Variants in NEDD4 observed in about 807,000 individuals in gnomAD.
NEDD4 encodes NEDD4 E3 ubiquitin protein ligase, also known as E3 ubiquitin-protein ligase NEDD4.
A neutral mutation model predicts 144.9 loss-of-function variants in NEDD4; 99 were observed. The ratio of observed to expected loss-of-function variants is 0.68; its 90% CI spans 0.58 to 0.81. NEDD4 has a LOEUF of 0.81. Among genes scored for constraint, NEDD4 ranks in the 30% least tolerant of loss-of-function variants. NEDD4 has a pLI of 0.00. For missense variants in NEDD4, 985 were observed against 1,065.9 expected, an observed-to-expected ratio of 0.92 and a Z score of 1.06; for synonymous variants, 318 against 350.6, an observed-to-expected ratio of 0.91 and a Z score of 1.04.
At chr15:55,943,157 G>T (rs2037039286) in intron 4 of NEDD4, among the ~76,000 whole-genome samples, 1 of 152,220 alleles carries the variant, frequency 6.6e-6, no homozygotes, top group Non-Finnish European at 1.5e-5. Context: ...TCACAGAAAT[G>T]ATCTGAAACT....
chr15:55,908,334 C>T (rs2036165659), intron 5 of NEDD4, among the ~76,000 whole-genome samples: 1 of 152,220 alleles, frequency 6.6e-6, no homozygotes, highest in South Asian at 2.1e-4. Context: ...AGTGAATTTA[C>T]ATTTGCCTAC....
chr15:55,906,359 A>G (rs1269438660), intron 5 of NEDD4, among the ~76,000 whole-genome samples: 1 of 152,194 alleles, frequency 6.6e-6, no homozygotes, highest in Non-Finnish European at 1.5e-5. Context: ...ACTATTCACA[A>G]TAGCAAAGAC....
chr15:55,927,594 TG>T (rs2036699518), intron 4 of NEDD4, among the ~76,000 whole-genome samples: 3 of 152,168 alleles, frequency 2.0e-5, no homozygotes. Flanking sequence ...AAGAAAAGTT[TG>T]GTTAGTTAGG....
At chr15:55,975,628 C>CA (rs1566975250) in intron 1 of NEDD4, among the ~76,000 whole-genome samples, 3 of 117,724 alleles carry the variant, frequency 2.5e-5, no homozygotes, top group African/African-American at 9.6e-5. Context: ...GAAGACGACA[C>CA]CAAAAAAAAA....
chr15:55,951,244 C>A, intron 4 of NEDD4, 132 bp downstream of exon 4: 1 of 474,608 alleles, frequency 2.1e-6, no homozygotes. Context: ...ATTTCAATTC[C>A]TTTTGTATTT....
chr15:55,880,999 G>C (rs1241542557), intron 5 of NEDD4, among the ~76,000 whole-genome samples: 1 of 152,158 alleles, frequency 6.6e-6, no homozygotes, highest in Non-Finnish European at 1.5e-5. Flanking sequence ...AAGGAGTACG[G>C]TTGGAGTCTA....
chr15:55,985,707 T>G (rs1383912951), intron 1 of NEDD4, among the ~76,000 whole-genome samples: 1 of 152,110 alleles, frequency 6.6e-6, no homozygotes, highest in African/African-American at 2.4e-5. Context: ...CAGATTGATA[T>G]AGAAATAGCT....
Position 55,866,886 on chromosome 15 carries a change from A to G in NEDD4, c.507+2693T>C, listed in dbSNP as rs534591927. ...TCCTATTAAATATGTATCAGCTGCTATTCTTTATAAAATAACTTTCTAAGT... is the reference window on the plus strand; with the variant it reads ...TCCTATTAAATATGTATCAGCTGCTGTTCTTTATAAAATAACTTTCTAAGT... On this transcript the variant is annotated intron_variant, in intron 8 of 28. Coordinates refer to ENST00000435532, the MANE Select transcript of NEDD4 (RefSeq NM_006154.4). Among the ~76,000 whole-genome samples, 3 of 152,338 alleles carry G rather than the reference A, an allele frequency of 2.0e-5. No individual in the cohort carries two copies. In the East Asian group the frequency reaches 5.8e-4, roughly 29 times the overall value.
At chr15:55,898,935 C>G (rs1236900472) in intron 5 of NEDD4, among the ~76,000 whole-genome samples, 5 of 152,172 alleles carry the variant, frequency 3.3e-5, no homozygotes, top group Non-Finnish European at 7.3e-5. Context: ...GCCACTGTAC[C>G]TGGCCAAGAA....
intron 21 of NEDD4, among the ~76,000 whole-genome samples, chr15:55,838,990 A>C (rs1356725944): frequency 1.3e-5 from 2 of 151,992 alleles, no homozygotes; most frequent in African/African-American, 4.8e-5. Context: ...TCATATGCCT[A>C]TGTGACTTCG....
intron 2 of NEDD4, among the ~76,000 whole-genome samples, chr15:55,960,366 T>C (rs1251714319): frequency 6.6e-6 from 1 of 152,220 alleles, no homozygotes; most frequent in Non-Finnish European, 1.5e-5. Flanking sequence ...AGGCAGAACG[T>C]GGAAGGACTT....
Position 55,932,400 on chromosome 15 carries a change from C to A in NEDD4, c.238-7701G>T, listed in dbSNP as rs895291328. Among the ~76,000 whole-genome samples, 5 of 152,190 alleles carry A rather than the reference C, an allele frequency of 3.3e-5. No homozygotes were observed. The South Asian group carries it at 1.0e-3, about 32-fold the overall frequency. Reference sequence around the variant, plus strand: ...ACCATGTGATCTTTGACAAACCTGACAAAAACAAGAAACGGGGAAAGGATT... The same window carrying A: ...ACCATGTGATCTTTGACAAACCTGAAAAAAACAAGAAACGGGGAAAGGATT... On this transcript the variant is annotated intron_variant, in intron 4 of 28. Transcript: ENST00000435532.
In NEDD4 at chr15:55,848,591, T is replaced by C. The variant is rs1331314041; in HGVS notation, c.1429-16A>G. On this transcript the variant is annotated splice_polypyrimidine_tract_variant and intron_variant, in intron 15 of 28. Coordinates refer to ENST00000435532, the MANE Select transcript of NEDD4 (RefSeq NM_006154.4). Reference sequence around the variant, plus strand: ...CCCATCCTGGCTATAATTAAAAATGTATTTCAATTATTTTAGGAGAGGGGC... The same window carrying C: ...CCCATCCTGGCTATAATTAAAAATGCATTTCAATTATTTTAGGAGAGGGGC... 1.2e-5 allele frequency: 20 copies of C among 1,603,320 alleles called. No homozygotes were observed. Among genetic ancestry groups the C allele is most frequent in the Non-Finnish European group, 1.6e-5 (19 of 1,171,100 alleles).
chr15:55,922,974 A>C (rs543692440), intron 5 of NEDD4, among the ~76,000 whole-genome samples: 2 of 152,262 alleles, frequency 1.3e-5, no homozygotes, highest in East Asian at 3.9e-4. Flanking sequence ...ATTTGTTTCC[A>C]TCTAGAAGGG....
intron 12 of NEDD4, among the ~76,000 whole-genome samples, chr15:55,855,349 A>G (rs2034148281): frequency 6.6e-6 from 1 of 152,220 alleles, no homozygotes; most frequent in Non-Finnish European, 1.5e-5. Context: ...TGGAATGCAC[A>G]CAGACTCAGA....
At chr15:55,930,987 G>A (rs564620249) in intron 4 of NEDD4, among the ~76,000 whole-genome samples, 1 of 152,230 alleles carries the variant, frequency 6.6e-6, no homozygotes, top group African/African-American at 2.4e-5. Context: ...AAACACAATG[G>A]ATTTTAAAAA....
intron 21 of NEDD4, among the ~76,000 whole-genome samples, chr15:55,839,972 T>A (rs1290656654): frequency 5.8e-4 from 4 of 6,888 alleles, no homozygotes; most frequent in South Asian, 8.6e-3. Context: ...ACACTCTGTC[T>A]CAAAAAAAAA....
At chr15:55,848,914 AT>A in intron 14 of NEDD4, 28 bp from the exon 15 acceptor site, 1 of 1,538,696 alleles carries the variant, frequency 6.5e-7, no homozygotes, top group Non-Finnish European at 9.0e-7. Flanking sequence ...ATAAAGAACA[AT>A]ACACACAAAT....
chr15:55,958,889 G>C (rs2142316345), intron 2 of NEDD4, among the ~76,000 whole-genome samples: 1 of 144,342 alleles, frequency 6.9e-6, no homozygotes, highest in African/African-American at 2.5e-5. Flanking sequence ...CTCATTACCA[G>C]TAATTAGTGC....
Sources: allele counts gnomAD v4.1 joint callset (sites outside exome capture counted in the v4.1 genomes callset), GRCh38; gene constraint gnomAD v4.1.1; transcripts MANE v1.5; gene names NCBI Gene and HGNC (gene_info 2026-07-23, HGNC 2026-07-21).